Variants in MUCL1 observed in about 807,000 individuals in gnomAD.
MUCL1 encodes mucin-like protein 1.
In MUCL1, 11 loss-of-function variants were observed where a neutral mutation model predicts 9.2. The observed-to-expected ratio is 1.19, with a 90% confidence interval of 0.75 to 1.97. The LOEUF is 1.97. Among genes scored for constraint, MUCL1 ranks in the 30% most tolerant of loss-of-function variants. The pLI is 0.00. For missense variants in MUCL1, 144 were observed against 110.9 expected (o/e 1.30, Z -1.34); for synonymous variants, 48 against 40.5 (o/e 1.19, Z -0.71).
At chr12:54,857,268 G>T (rs1171351644) in intron 3 of MUCL1, among the ~76,000 whole-genome samples, 1 of 148,628 alleles carries the variant, frequency 6.7e-6, no homozygotes, top group Non-Finnish European at 1.5e-5. Context: ...GTGTGTGTGT[G>T]TTTAAATCAG....
chr12:54,833,191 C>T (rs1959187648), intron 1 of MUCL1, among the ~76,000 whole-genome samples: 1 of 151,970 alleles, frequency 6.6e-6, no homozygotes, highest in Non-Finnish European at 1.5e-5. Flanking sequence ...TTCTGTTGTG[C>T]ATGCATTCAT....
At chr12:54,848,494 C>T in intron 1 of MUCL1, among the ~76,000 whole-genome samples, 1 of 151,876 alleles carries the variant, frequency 6.6e-6, no homozygotes. Context: ...AAGCTCTAAT[C>T]GTATATTGTG....
intron 3 of MUCL1, 121 bp from the exon 4 acceptor site, chr12:54,858,072 T>C (rs1868313958): frequency 8.2e-7 from 1 of 1,216,148 alleles, no homozygotes; most frequent in Non-Finnish European, 1.2e-6. Context: ...CCCATGTTCC[T>C]TTCGAATCCC....
At chr12:54,837,674 C>A (rs1040158078), upstream of MUCL1, among the ~76,000 whole-genome samples, 2 of 152,104 alleles carry the variant, frequency 1.3e-5, no homozygotes, top group African/African-American at 2.4e-5. Flanking sequence ...GAGGCTGAGG[C>A]AGGAGAATGG....
At chr12:54,849,339 T>A (rs1959303257) in intron 1 of MUCL1, among the ~76,000 whole-genome samples, 1 of 152,148 alleles carries the variant, frequency 6.6e-6, no homozygotes, top group African/African-American at 2.4e-5. Context: ...TATAAGTTCA[T>A]ATATGCATAA....
intron 1 of MUCL1, among the ~76,000 whole-genome samples, chr12:54,842,328 G>A (rs1333216107): frequency 2.0e-5 from 3 of 151,896 alleles, no homozygotes; most frequent in Non-Finnish European, 2.9e-5. Flanking sequence ...TATTGACCTT[G>A]TAGATAGAAA....
chr12:54,847,337 C>T (rs748428491), intron 1 of MUCL1, among the ~76,000 whole-genome samples: 51 of 152,160 alleles, frequency 3.4e-4, no homozygotes, highest in Non-Finnish European at 3.4e-4. Flanking sequence ...AAAGAAAGGC[C>T]GGGCACAGTG....
chr12:54,833,685 G>A (rs1300007974), intron 1 of MUCL1, among the ~76,000 whole-genome samples: 2 of 151,990 alleles, frequency 1.3e-5, no homozygotes, highest in Admixed American at 6.6e-5. Flanking sequence ...CATGGATGAA[G>A]CTGGAAACCA....
rs117800712 is a variant in MUCL1 at position 54,831,197 on chromosome 12, A to G, written n.357+322A>G. Among the ~76,000 whole-genome samples the G allele has an allele frequency of 5.1e-4, 78 of 152,214 alleles. No individual in the cohort carries two copies. In the East Asian group the frequency reaches 0.014, roughly 28 times the overall value. ...TGCATGTATGTTATGTTTATGTGAT[A>G]TTTTTCTACTCCCAAATGGTATTAT... On this transcript the variant is annotated intron_variant and non_coding_transcript_variant, in intron 1 of 3. Transcript: ENST00000547990.
In MUCL1 at chr12:54,858,283, T is replaced by C. The variant is rs763660147; in HGVS notation, c.*41T>C. 10 of 1,611,318 alleles carry C rather than the reference T, an allele frequency of 6.2e-6. No homozygotes were observed. Among genetic ancestry groups the C allele is most frequent in the Non-Finnish European group, 8.5e-6 (10 of 1,177,686 alleles). ...AGTCTTCTGCAATTGGTCACAACTA[T>C]TCATGCTTCCTGTGATTTCATCCAA... On this transcript the variant is annotated 3_prime_UTR_variant, in exon 4 of 4. Coordinates refer to ENST00000308796, the MANE Select transcript of MUCL1 (RefSeq NM_058173.3).
intron 1 of MUCL1, among the ~76,000 whole-genome samples, chr12:54,847,245 G>A (rs1959270284): frequency 6.6e-6 from 1 of 152,166 alleles, no homozygotes; most frequent in Admixed American, 6.6e-5. Flanking sequence ...GTGAAATAGT[G>A]TTGAGCAATG....
chr12:54,833,598 T>C (rs1167744174), intron 1 of MUCL1, among the ~76,000 whole-genome samples: 1 of 152,136 alleles, frequency 6.6e-6, no homozygotes, highest in Non-Finnish European at 1.5e-5. Context: ...TATTGGATTA[T>C]CTTTTTCTAA....
chr12:54,846,632 C>G (rs574054366), intron 1 of MUCL1, among the ~76,000 whole-genome samples: 2 of 152,196 alleles, frequency 1.3e-5, no homozygotes, highest in East Asian at 3.9e-4. Flanking sequence ...AGGAGAAAGA[C>G]TGGAAGTTCT....
rs755779012 is a variant in MUCL1, at chr12:54,854,568, C to T, written c.-15C>T. 1.9e-6 allele frequency: 3 copies of T among 1,611,728 alleles called. No homozygotes were observed. The Admixed American group carries it at 5.0e-5, about 27-fold the overall frequency. On this transcript the variant is annotated 5_prime_UTR_variant, in exon 1 of 4. Coordinates refer to ENST00000308796, the MANE Select transcript of MUCL1 (RefSeq NM_058173.3). ...AGCATTTTTGTCTGTGCTCCCTGAT[C>T]TTCAGGTCACCACCATGAAGTTCTT...
chr12:54,850,467 T>G (rs536208863), upstream of MUCL1, among the ~76,000 whole-genome samples: 100 of 152,238 alleles, frequency 6.6e-4, no homozygotes, highest in Non-Finnish European at 7.4e-5. Flanking sequence ...GCTTCATCCA[T>G]GTCCCTACAA....
At chr12:54,840,275 T>A (rs1008369816) in intron 1 of MUCL1, among the ~76,000 whole-genome samples, 1 of 152,228 alleles carries the variant, frequency 6.6e-6, no homozygotes, top group African/African-American at 2.4e-5. Flanking sequence ...CCTTAGTGTG[T>A]TGGCTTTCTC....
chr12:54,842,425 T>C (rs954663199), intron 1 of MUCL1, among the ~76,000 whole-genome samples: 1 of 152,182 alleles, frequency 6.6e-6, no homozygotes, highest in Non-Finnish European at 1.5e-5. Flanking sequence ...GTACAACATG[T>C]TTTGAAATTT....
At chr12:54,839,430 T>C (rs913645815) in exon 1 of MUCL1, 2 of 701,998 alleles carry the variant, frequency 2.8e-6, no homozygotes, top group African/African-American at 3.5e-5. Flanking sequence ...GGGTATCAAC[T>C]GGCAGTGACT....
intron 2 of MUCL1, 191 bp downstream of exon 2, chr12:54,855,348 C>A (rs557457097): frequency 7.6e-4 from 445 of 587,134 alleles, no homozygotes; most frequent in Non-Finnish European, 7.3e-4. Context: ...CTTATACATT[C>A]TTAGAATATA....
Sources: allele counts gnomAD v4.1 joint callset (sites outside exome capture counted in the v4.1 genomes callset), GRCh38; gene constraint gnomAD v4.1.1; transcripts MANE v1.5; gene names NCBI Gene and HGNC (gene_info 2026-07-23, HGNC 2026-07-21).